LARGE1: variants seen among roughly 807,000 people sequenced by gnomAD.
LARGE1 encodes xylosyl- and glucuronyltransferase LARGE1.
LARGE1 carries 43 observed loss-of-function variants against 87.6 expected under a neutral mutation model. The ratio of observed to expected loss-of-function variants is 0.49; its 90% CI spans 0.38 to 0.63. The LOEUF is 0.63. Among genes scored for constraint, LARGE1 ranks in the 30% least tolerant of loss-of-function variants. The pLI, the probability that LARGE1 is intolerant of heterozygous loss-of-function variation, is 0.00. For synonymous variants in LARGE1, 434 were observed against 394.6 expected (o/e 1.10, Z -1.18); for missense variants, 802 against 1,000.2 (o/e 0.80, Z 2.67).
chr22:33,628,801 A>AG (rs5845101), intron 3 of LARGE1, among the ~76,000 whole-genome samples: 152,170 of 152,194 alleles, frequency 1, 76,073 homozygotes, highest in Non-Finnish European at 1. Flanking sequence ...TCCAACCCGC[A>AG]GACATCTGCA....
the LARGE1 span, among the ~76,000 whole-genome samples, chr22:33,099,657 T>C: frequency 1.2e-3 from 190 of 152,368 alleles, no homozygotes; most frequent in Non-Finnish European, 2.2e-3. Context: ...TTATGTTTCC[T>C]AATAAGGTTT....
intron 10 of LARGE1, among the ~76,000 whole-genome samples, chr22:33,324,026 G>A (rs1430322408): frequency 6.6e-6 from 1 of 151,978 alleles, no homozygotes; most frequent in African/African-American, 2.4e-5. Flanking sequence ...GAGGTCGGGA[G>A]TTCGAGACCA....
chr22:33,446,975 T>A (rs1459083370), intron 6 of LARGE1, among the ~76,000 whole-genome samples: 1 of 152,174 alleles, frequency 6.6e-6, no homozygotes, highest in Non-Finnish European at 1.5e-5. Flanking sequence ...TTCACTGCAA[T>A]CTCTGCCTCC....
chr22:33,185,240 A>G (rs1923414041), intron 11 of LARGE1, among the ~76,000 whole-genome samples: 1 of 152,224 alleles, frequency 6.6e-6, no homozygotes, highest in African/African-American at 2.4e-5. Context: ...ATAAGCTATC[A>G]AGCCATAAAA....
chr22:33,130,284 A>C, the LARGE1 span, among the ~76,000 whole-genome samples: 32 of 139,294 alleles, frequency 2.3e-4, no homozygotes, highest in Middle Eastern at 0.012. Flanking sequence ...ACTGCACTCC[A>C]GCCTGGGCGA....
At chr22:33,188,948 C>T (rs1227092919) in intron 11 of LARGE1, among the ~76,000 whole-genome samples, 1 of 152,068 alleles carries the variant, frequency 6.6e-6, no homozygotes, top group Non-Finnish European at 1.5e-5. Flanking sequence ...AAGGTGGTCG[C>T]CAACATTGTC....
intron 2 of LARGE1, among the ~76,000 whole-genome samples, chr22:33,758,202 G>C (rs2084591334): frequency 1.3e-5 from 2 of 152,146 alleles, no homozygotes; most frequent in Admixed American, 6.5e-5. Flanking sequence ...CCCTTTGTCT[G>C]TTTGCTGAAG....
At chr22:33,423,912 T>C (rs369379088) in intron 7 of LARGE1, among the ~76,000 whole-genome samples, 2 of 152,238 alleles carry the variant, frequency 1.3e-5, no homozygotes, top group African/African-American at 2.4e-5. Context: ...TAGACCAATA[T>C]AAAATCTGTA....
At chr22:33,752,068 C>G (rs1348746770) in intron 2 of LARGE1, among the ~76,000 whole-genome samples, 1 of 152,196 alleles carries the variant, frequency 6.6e-6, no homozygotes, top group Admixed American at 6.5e-5. Flanking sequence ...AGGCGTGAGC[C>G]ACCACACCCA....
chr22:33,505,923 CA>C (rs557938984), intron 6 of LARGE1, among the ~76,000 whole-genome samples: 142 of 152,250 alleles, frequency 9.3e-4, no homozygotes, highest in African/African-American at 3.4e-3. Flanking sequence ...GACAAAGCAC[CA>C]CATAGTTTGT....
chr22:33,308,028 C>T (rs1169855164), intron 11 of LARGE1, among the ~76,000 whole-genome samples: 2 of 152,112 alleles, frequency 1.3e-5, no homozygotes, highest in Non-Finnish European at 2.9e-5. Flanking sequence ...CCCCATCGAG[C>T]CCACCACTGC....
chr22:33,503,342 C>T (rs557977129), intron 6 of LARGE1, among the ~76,000 whole-genome samples: 4 of 150,038 alleles, frequency 2.7e-5, no homozygotes, highest in East Asian at 4.0e-4. Context: ...CTGCAACCTC[C>T]GCCTTCCGGG....
At chr22:33,782,558 C>T (rs1347717537) in intron 1 of LARGE1, among the ~76,000 whole-genome samples, 1 of 152,132 alleles carries the variant, frequency 6.6e-6, no homozygotes, top group Non-Finnish European at 1.5e-5. Context: ...CATAGATTAG[C>T]TACTACCAAA....
chr22:33,527,732 C>A (rs2071985643), intron 6 of LARGE1, among the ~76,000 whole-genome samples: 1 of 151,934 alleles, frequency 6.6e-6, no homozygotes. Flanking sequence ...AGTGACTGGC[C>A]CCTTGACCAG....
At chr22:33,281,901 A>G (rs1322588566) in intron 13 of LARGE1, among the ~76,000 whole-genome samples, 4 of 152,360 alleles carry the variant, frequency 2.6e-5, no homozygotes, top group African/African-American at 9.6e-5. Context: ...CTTGCTAGAA[A>G]TTTCTAGAAA....
intron 1 of LARGE1, among the ~76,000 whole-genome samples, chr22:33,898,301 C>T (rs1280134912): frequency 7.2e-6 from 1 of 139,108 alleles, no homozygotes; most frequent in Non-Finnish European, 1.6e-5. Flanking sequence ...AAGTGCCCCG[C>T]CCCCCATCCA....
intron 1 of LARGE1, among the ~76,000 whole-genome samples, chr22:33,828,673 G>A (rs1409944536): frequency 1.3e-5 from 2 of 152,218 alleles, no homozygotes; most frequent in South Asian, 4.1e-4. Context: ...ACACACTGAA[G>A]TCTAAAGTCC....
intron 2 of LARGE1, among the ~76,000 whole-genome samples, chr22:33,677,793 C>T (rs1319695989): frequency 1.3e-5 from 2 of 152,194 alleles, no homozygotes; most frequent in African/African-American, 4.8e-5. Context: ...TTTGTCTGTC[C>T]AAATTCTTGA....
At chr22:33,329,892 T>G (rs561629778) in intron 10 of LARGE1, among the ~76,000 whole-genome samples, 15 of 152,258 alleles carry the variant, frequency 9.9e-5, no homozygotes, top group African/African-American at 3.6e-4. Context: ...TAGGGAGCAT[T>G]GCATGTTTCT....
Sources: gnomAD v4.1 joint callset for allele counts (sites outside exome capture counted in the v4.1 genomes callset) on GRCh38, gnomAD v4.1.1 for gene constraint, MANE v1.5 for transcripts, NCBI Gene and HGNC (gene_info 2026-07-23, HGNC 2026-07-21) for gene names.